Variants in COX7B2 observed in about 807,000 individuals in gnomAD.
COX7B2 encodes cytochrome c oxidase subunit 7B2, mitochondrial.
For missense variants in COX7B2, 109 were observed against 95.9 expected, an observed-to-expected ratio of 1.14 and a Z score of -0.57; for synonymous variants, 37 against 32.1, an observed-to-expected ratio of 1.15 and a Z score of -0.51.
chr4:46,826,234 G>T (rs528852574), intron 2 of COX7B2, among the ~76,000 whole-genome samples: 49 of 152,204 alleles, frequency 3.2e-4, no homozygotes, highest in African/African-American at 1.2e-3. Flanking sequence ...CTTTTTTAAA[G>T]AAGACATATA....
chr4:46,828,373 T>C (rs902919226), intron 2 of COX7B2, among the ~76,000 whole-genome samples: 2 of 152,176 alleles, frequency 1.3e-5, no homozygotes, highest in Admixed American at 1.3e-4. Flanking sequence ...GTTCAAATTA[T>C]GAGTTTTCAA....
At chr4:46,906,121 A>G (rs10017264) in intron 1 of COX7B2, among the ~76,000 whole-genome samples, 36,858 of 151,700 alleles carry the variant, frequency 0.24, 4,679 homozygotes, top group East Asian at 0.29. Flanking sequence ...GAGCCACCGC[A>G]CCCGGCCCCA....
At chr4:46,811,546 A>G (rs149521683) in intron 2 of COX7B2, among the ~76,000 whole-genome samples, 2 of 152,282 alleles carry the variant, frequency 1.3e-5, no homozygotes, top group African/African-American at 4.8e-5. Flanking sequence ...TTTCCTAATT[A>G]CACTGAATCA....
intron 1 of COX7B2, among the ~76,000 whole-genome samples, chr4:46,887,010 G>A (rs750712538): frequency 6.6e-6 from 1 of 152,080 alleles, no homozygotes; most frequent in Non-Finnish European, 1.5e-5. Context: ...AAATATAAAG[G>A]CCTTTTAAAA....
intron 2 of COX7B2, among the ~76,000 whole-genome samples, chr4:46,754,794 A>T (rs546100384): frequency 4.2e-5 from 6 of 143,126 alleles, no homozygotes; most frequent in African/African-American, 1.6e-4. Flanking sequence ...AAGATTAAAT[A>T]ATTAATAAAA....
At chr4:46,770,550 A>T (rs1577685344) in intron 2 of COX7B2, among the ~76,000 whole-genome samples, 1 of 152,278 alleles carries the variant, frequency 6.6e-6, no homozygotes, top group East Asian at 1.9e-4. Flanking sequence ...GACTGGACGC[A>T]TCACACTACC....
At chr4:46,744,176 C>A (rs1577650201) in intron 2 of COX7B2, among the ~76,000 whole-genome samples, 1 of 151,894 alleles carries the variant, frequency 6.6e-6, no homozygotes, top group South Asian at 2.1e-4. Context: ...ACATTTGTTT[C>A]ATCTGAGTTC....
At chr4:46,790,563 A>T (rs1468572506) in intron 2 of COX7B2, among the ~76,000 whole-genome samples, 5 of 152,192 alleles carry the variant, frequency 3.3e-5, no homozygotes, top group Non-Finnish European at 7.3e-5. Flanking sequence ...TTCACCTAAG[A>T]TAAAGACAAT....
At chr4:46,818,753 G>A (rs1445875868) in intron 2 of COX7B2, among the ~76,000 whole-genome samples, 2 of 152,116 alleles carry the variant, frequency 1.3e-5, no homozygotes, top group Non-Finnish European at 2.9e-5. Context: ...AGTGCCCTTT[G>A]GCATGGCACA....
At chr4:46,750,440 A>G (rs748821484) in intron 2 of COX7B2, among the ~76,000 whole-genome samples, 3 of 152,070 alleles carry the variant, frequency 2.0e-5, no homozygotes, top group Non-Finnish European at 4.4e-5. Flanking sequence ...TATTATAAGG[A>G]CATGTATATA....
intron 1 of COX7B2, among the ~76,000 whole-genome samples, chr4:46,878,040 C>A (rs2109839469): frequency 6.6e-6 from 1 of 151,726 alleles, no homozygotes; most frequent in Non-Finnish European, 1.5e-5. Context: ...CACACACACA[C>A]ACAAAGAATA....
At chr4:46,758,525 C>A (rs1715937121) in intron 2 of COX7B2, among the ~76,000 whole-genome samples, 1 of 151,944 alleles carries the variant, frequency 6.6e-6, no homozygotes, top group Non-Finnish European at 1.5e-5. Flanking sequence ...GCTGATATTA[C>A]AAGGGAAAAA....
At chr4:46,770,358 AAAT>A (rs1170188464) in intron 2 of COX7B2, among the ~76,000 whole-genome samples, 4 of 152,158 alleles carry the variant, frequency 2.6e-5, no homozygotes, top group Admixed American at 1.3e-4. Flanking sequence ...AAATAAATGA[AAAT>A]AATAATACCT....
chr4:46,889,644 C>T (rs913984837), intron 1 of COX7B2, among the ~76,000 whole-genome samples: 1 of 152,086 alleles, frequency 6.6e-6, no homozygotes, highest in Admixed American at 6.5e-5. Context: ...GTGGACAGAA[C>T]AAAGTCTATA....
chr4:46,755,876 A>T (rs1473153625), intron 2 of COX7B2, among the ~76,000 whole-genome samples: 1 of 152,080 alleles, frequency 6.6e-6, no homozygotes, highest in Non-Finnish European at 1.5e-5. Flanking sequence ...TGTTAAAATT[A>T]TCACACAGCC....
At chr4:46,792,320 C>G (rs780273360) in intron 2 of COX7B2, among the ~76,000 whole-genome samples, 6 of 152,172 alleles carry the variant, frequency 3.9e-5, no homozygotes, top group Admixed American at 6.5e-5. Context: ...GCCCAGATAT[C>G]TGGCTAAATT....
intron 2 of COX7B2, among the ~76,000 whole-genome samples, chr4:46,813,528 G>C (rs1719392977): frequency 6.6e-6 from 1 of 152,172 alleles, no homozygotes; most frequent in Non-Finnish European, 1.5e-5. Flanking sequence ...ACACAGGGAG[G>C]GGAACATCGC....
At chr4:46,774,628 G>C (rs769892853) in intron 2 of COX7B2, among the ~76,000 whole-genome samples, 21 of 151,968 alleles carry the variant, frequency 1.4e-4, no homozygotes, top group Non-Finnish European at 2.6e-4. Flanking sequence ...TACTAATACA[G>C]AGTTTTAATA....
chr4:46,822,950 G>T, intron 2 of COX7B2, among the ~76,000 whole-genome samples: 1 of 152,192 alleles, frequency 6.6e-6, no homozygotes, highest in Admixed American at 6.5e-5. Context: ...GAGAACTGAG[G>T]TCTCAATATA....
Sources: gnomAD v4.1 joint callset for allele counts (sites outside exome capture counted in the v4.1 genomes callset) on GRCh38, gnomAD v4.1.1 for gene constraint, MANE v1.5 for transcripts, NCBI Gene and HGNC (gene_info 2026-07-23, HGNC 2026-07-21) for gene names.